Variants in NFYC observed in about 807,000 individuals in gnomAD.
The protein encoded by NFYC is CAAT box DNA-binding protein subunit C.
Under a neutral mutation model 53.1 loss-of-function variants are expected in NFYC, and 25 were observed. The ratio of observed to expected loss-of-function variants is 0.47; its 90% confidence interval spans 0.34 to 0.66. The LOEUF (loss-of-function observed/expected upper bound fraction) is 0.66, where lower values mean the gene tolerates loss of function less well. Ranked by LOEUF, NFYC falls within the 30% of genes least tolerant of loss-of-function variation. NFYC has a pLI of 0.01. For missense variants in NFYC, 260 were observed against 422.7 expected, an observed-to-expected ratio of 0.62 and a Z score of 3.38; for synonymous variants, 145 against 152.6, an observed-to-expected ratio of 0.95 and a Z score of 0.37.
chr1:40,757,458 G>C (rs1022104543), intron 5 of NFYC: 1 of 447,334 alleles, frequency 2.2e-6, no homozygotes, highest in Non-Finnish European at 4.8e-6. Flanking sequence ...GTACCCCAGC[G>C]GAGAGCTGTC....
chr1:40,746,216 A>G (rs1169241377), intron 2 of NFYC, among the ~76,000 whole-genome samples: 2 of 152,350 alleles, frequency 1.3e-5, no homozygotes, highest in South Asian at 2.1e-4. Flanking sequence ...GAAAATGTTG[A>G]TACCTAATTT....
At chr1:40,766,498 G>T (rs543434624) in intron 7 of NFYC, 98 bp from the exon 8 acceptor site, 23 of 858,820 alleles carry the variant, frequency 2.7e-5, no homozygotes, top group South Asian at 7.0e-5. Flanking sequence ...GAGGGCTTGA[G>T]GGGTAGGGGG....
At chr1:40,752,064 TAG>T (rs1184370831) in intron 4 of NFYC, among the ~76,000 whole-genome samples, 1 of 152,210 alleles carries the variant, frequency 6.6e-6, no homozygotes, top group Admixed American at 6.5e-5. Context: ...GTGTGGTATA[TAG>T]AGTTTGCTAA....
At chr1:40,715,106 AAATAAAT>A (rs1481271997) in intron 1 of NFYC, among the ~76,000 whole-genome samples, 27 of 150,566 alleles carry the variant, frequency 1.8e-4, no homozygotes, top group Non-Finnish European at 2.5e-4. Flanking sequence ...ATAAATAAAT[AAATAAAT>A]AATAATTTGG....
At chr1:40,726,127 T>TGTGTG (rs33997341) in intron 1 of NFYC, among the ~76,000 whole-genome samples, 14 of 141,094 alleles carry the variant, frequency 9.9e-5, no homozygotes, top group South Asian at 7.5e-4. Context: ...GTGTGTGTGT[T>TGTGTG]TTTTTTTGAG....
intron 7 of NFYC, chr1:40,763,480 G>T (rs989180752): frequency 2.0e-5 from 9 of 442,782 alleles, no homozygotes; most frequent in Non-Finnish European, 3.6e-5. Context: ...CCGAGTAGCT[G>T]GGATTATAGG....
chr1:40,722,524 GCT>G (rs1644363936), intron 1 of NFYC, among the ~76,000 whole-genome samples: 2 of 152,178 alleles, frequency 1.3e-5, no homozygotes, highest in Admixed American at 6.5e-5. Context: ...TGGTCTTTAG[GCT>G]CGGTACTGTA....
chr1:40,727,573 C>T (rs1644576650), intron 1 of NFYC, among the ~76,000 whole-genome samples: 1 of 150,252 alleles, frequency 6.7e-6, no homozygotes, highest in South Asian at 2.1e-4. Flanking sequence ...CTCTGTCGCC[C>T]AGGCTGGAGT....
intron 1 of NFYC, among the ~76,000 whole-genome samples, chr1:40,694,802 A>G (rs1480560412): frequency 1.3e-5 from 2 of 152,194 alleles, no homozygotes; most frequent in East Asian, 3.8e-4. Flanking sequence ...ATCTCAGTAG[A>G]TCTGAGTTTA....
At chr1:40,736,062 C>G (rs1645008477) in intron 1 of NFYC, among the ~76,000 whole-genome samples, 1 of 152,110 alleles carries the variant, frequency 6.6e-6, no homozygotes, top group African/African-American at 2.4e-5. Flanking sequence ...TTGAACACTT[C>G]CCTTTAACTC....
chr1:40,769,598 G>A (rs1030608066), intron 9 of NFYC, among the ~76,000 whole-genome samples, 183 bp downstream of exon 9: 1 of 152,148 alleles, frequency 6.6e-6, no homozygotes, highest in Non-Finnish European at 1.5e-5. Context: ...TATAGACTTA[G>A]TGGGAACTAA....
At position 40,771,090 on chromosome 1, in the gene NFYC, T is replaced by C; in HGVS notation, c.*262T>C. 1 of 519,490 alleles carries C rather than the reference T, an allele frequency of 1.9e-6. No individual in the cohort carries two copies. The highest frequency in any genetic ancestry group is 1.9e-5 in the African/African-American group (1 of 52,820). The allele number at this position is 519,490 out of a possible 1,614,324, so 32.2% of individuals were successfully genotyped here. A position where few individuals can be genotyped will look rare whatever the true frequency, so the allele number is the denominator to read the frequency against. ...TGAGTGTGTGTCCAATGCTATGAAA[T>C]TAAAATATTAAATAACATATTTATG... is the stretch of plus-strand genomic sequence containing the variant. On this transcript the variant is annotated 3_prime_UTR_variant, in exon 10 of 10. Transcript: ENST00000447388.
intron 1 of NFYC, among the ~76,000 whole-genome samples, chr1:40,704,463 C>A (rs1229292605): frequency 6.6e-6 from 1 of 152,114 alleles, no homozygotes; most frequent in East Asian, 1.9e-4. Flanking sequence ...AGCTGAAATC[C>A]TAGAGATTCT....
chr1:40,737,711 G>T (rs1645112803), intron 1 of NFYC, among the ~76,000 whole-genome samples: 1 of 152,026 alleles, frequency 6.6e-6, no homozygotes, highest in African/African-American at 2.4e-5. Flanking sequence ...CATGGTTAAG[G>T]TTAGGAAAGA....
intron 5 of NFYC, among the ~76,000 whole-genome samples, chr1:40,755,268 A>G (rs1462565298): frequency 2.0e-5 from 3 of 152,222 alleles, no homozygotes; most frequent in Admixed American, 6.5e-5. Flanking sequence ...GCTTCTGGAA[A>G]GATTCCAAGA....
intron 1 of NFYC, among the ~76,000 whole-genome samples, chr1:40,724,123 G>A (rs2361646): frequency 0.99 from 150,288 of 152,366 alleles, 74,159 homozygotes; most frequent in East Asian, 1. Context: ...TAATCCCAGC[G>A]TTTTGGGAGG....
chr1:40,713,885 G>A (rs777443042), intron 1 of NFYC, among the ~76,000 whole-genome samples: 26 of 152,212 alleles, frequency 1.7e-4, no homozygotes, highest in Non-Finnish European at 3.7e-4. Context: ...CCATGGAAGA[G>A]GTTCAGAAGT....
intron 1 of NFYC, among the ~76,000 whole-genome samples, chr1:40,700,160 T>C (rs1293562511): frequency 1.3e-5 from 2 of 152,214 alleles, no homozygotes; most frequent in African/African-American, 4.8e-5. Flanking sequence ...CAAGGTAACG[T>C]AGACTCTTAA....
chr1:40,716,522 C>G (rs1339345786), intron 1 of NFYC, among the ~76,000 whole-genome samples: 1 of 152,062 alleles, frequency 6.6e-6, no homozygotes, highest in Non-Finnish European at 1.5e-5. Flanking sequence ...GTTTGCTAGG[C>G]TAAGAAATTT....
Sources: allele counts gnomAD v4.1 joint callset (sites outside exome capture counted in the v4.1 genomes callset), GRCh38; gene constraint gnomAD v4.1.1; transcripts MANE v1.5; gene names NCBI Gene and HGNC (gene_info 2026-07-23, HGNC 2026-07-21).